Variants in WDR90 observed in about 807,000 individuals in gnomAD.
WDR90 encodes WD repeat-containing protein 90.
Under a neutral mutation model 195.2 loss-of-function variants are expected in WDR90, and 238 were observed. The ratio of observed to expected loss-of-function variants is 1.22; its 90% CI spans 1.10 to 1.36. WDR90 has a LOEUF of 1.36. Ranked by LOEUF, WDR90 falls within the 40% of genes most tolerant of loss-of-function variation. The pLI, the probability that WDR90 is intolerant of heterozygous loss-of-function variation, is 0.00. For synonymous variants in WDR90, 1,265 were observed against 1,052.4 expected (o/e 1.20, Z -3.91); for missense variants, 2,734 against 2,439.5 (o/e 1.12, Z -2.54).
chr16:653,054 C>A (rs1346643236), intron 10 of WDR90, among the ~76,000 whole-genome samples: 1 of 152,210 alleles, frequency 6.6e-6, no homozygotes, highest in Non-Finnish European at 1.5e-5. Flanking sequence ...CCCGGAGTTT[C>A]TTGCACTGGA....
At position 661,008 on chromosome 16, in the gene WDR90, C is replaced by CCCG. The variant is rs2037894379; in HGVS notation, c.3392-41_3392-40insGCC. 2 of 132,342 alleles carry CCCG rather than the reference C, an allele frequency of 1.5e-5. 1 individual carries two copies. Among genetic ancestry groups the CCCG allele is most frequent in the African/African-American group, 2.6e-4 (2 of 7,726 alleles). The allele number at this position is 132,342 out of a possible 1,614,324, so 8.2% of individuals were successfully genotyped here. On this transcript the variant is annotated intron_variant, in intron 28 of 40. Transcript: ENST00000293879. ...TCCCCAGGCCCCTCCCCGCCCCCCCCCCCCCCCGGCCCGGCCTCAGGCCCC... is the reference window on the plus strand; with the variant it reads ...TCCCCAGGCCCCTCCCCGCCCCCCCCCCGCCCCCCCGGCCCGGCCTCAGGCCCC...
chr16:649,280 G>C, upstream of WDR90: 5 of 1,108,962 alleles, frequency 4.5e-6, no homozygotes, highest in Non-Finnish European at 5.9e-6. Flanking sequence ...GGGAGGTCAC[G>C]TGGCCAGGGC....
rs1264578370 is a variant in WDR90, at chr16:666,895, C to T, written c.5005-10C>T. The T allele has an allele frequency of 6.2e-7, 1 of 1,613,164 alleles. No individual in the cohort carries two copies. ...CCACAGGCCTGGAGCCTCACGCTGG[C>T]TGCTCACAGGTGGTGGAGAAGATAC... is the stretch of plus-strand genomic sequence containing the variant. On this transcript the variant is annotated splice_polypyrimidine_tract_variant and intron_variant, in intron 39 of 40. Coordinates refer to ENST00000293879, the MANE Select transcript of WDR90 (RefSeq NM_145294.5).
chr16:667,123 C>G (rs2038102681), intron 40 of WDR90, 134 bp downstream of exon 40: 1 of 986,788 alleles, frequency 1.0e-6, no homozygotes, highest in Admixed American at 2.1e-5. Context: ...GGACATCTGC[C>G]CTAGAGAGGG....
In WDR90 at chr16:653,612, C is replaced by T. The variant is rs544196612; in HGVS notation, c.1321C>T (p.Gln441Ter). The T allele has an allele frequency of 4.3e-6, 7 of 1,613,538 alleles. No homozygotes were observed. The Admixed American group carries it at 1.2e-4, about 27-fold the overall frequency. The change falls in exon 12 of 41, where the codon CAG (glutamine) becomes TAG (stop). Residue 441 changes from glutamine to a stop codon, truncating the protein, a stop_gained. Transcript: ENST00000293879. LOFTEE classifies it high-confidence loss of function. ...APSVMRLWDF[Q>*]TGRCLCLFRS... ...TAGTGTGATGCGGCTCTGGGACTTC[C>T]AGACCGGGCGGTGCTTGTGCCTGTT... is the stretch of plus-strand genomic sequence containing the variant.
rs1288043070 is a variant in WDR90, at chr16:659,455, C to T, written c.3184+79C>T. The T allele has an allele frequency of 4.8e-5, 73 of 1,530,880 alleles. No homozygotes were observed. The South Asian group carries it at 4.9e-4, about 10-fold the overall frequency. The allele number at this position is 1,530,880 out of a possible 1,614,324, so 94.8% of individuals were successfully genotyped here. On this transcript the variant is annotated intron_variant, in intron 26 of 40. Transcript: ENST00000293879. ...CAGGCCCAGTGGCAGCAGGTACTCA[C>T]GCACGTCCAGCTCTGGGGTGCAGGT...
intron 1 of WDR90, 41 bp downstream of exon 1, chr16:649,467 C>G: frequency 7.8e-7 from 1 of 1,286,436 alleles, no homozygotes; most frequent in Non-Finnish European, 9.8e-7. Flanking sequence ...TCCCGGGTTC[C>G]GGGGTTCCGG....
intron 35 of WDR90, 22 bp from the exon 36 acceptor site, chr16:665,928 T>G (rs1341026763): frequency 6.4e-7 from 1 of 1,571,508 alleles, no homozygotes; most frequent in Admixed American, 1.7e-5. Flanking sequence ...AGTGCTGAAG[T>G]TTCCCCACTG....
chr16:665,602 G>A, intron 34 of WDR90, 77 bp from the exon 35 acceptor site: 6 of 1,606,840 alleles, frequency 3.7e-6, no homozygotes, highest in Middle Eastern at 1.7e-4. Flanking sequence ...GGCCCTGGGG[G>A]CTGGAATAGG....
rs369533979 is a variant in WDR90 at position 661,359 on chromosome 16, G to C, written c.3531G>C (p.Ser1177=). 9.3e-6 allele frequency: 15 copies of C among 1,605,728 alleles called. No homozygotes were observed. The South Asian group carries it at 1.2e-4, about 13-fold the overall frequency. Residue 1177 remains serine, a synonymous_variant, in exon 30 of 41, where the codon TCG becomes TCC. Transcript: ENST00000293879. ...CCTGCCAGGTCCTGGCCTCTGCCTC[G>C]GGCCGAAGCAGCACGACCGCCCATT... is the stretch of plus-strand genomic sequence containing the variant. The part of the protein sequence containing the change: ...SHSAQVLASA[S]GRSSTTAHCQ...
chr16:665,981 GC>G lies in WDR90; in HGVS notation c.4467del (p.Cys1490ValfsTer9). On this transcript the variant is annotated frameshift_variant, in exon 36 of 41. Transcript: ENST00000293879. LOFTEE classifies it high-confidence loss of function. ...CTCTGCCTGGCATGGAGCCCCCCGTGCTGTGGCCGCCCTGAGCAGCAGCGGC... is the reference window on the plus strand; with the variant it reads ...CTCTGCCTGGCATGGAGCCCCCCGTGTGTGGCCGCCCTGAGCAGCAGCGGC... ...SCLCLAWSPP[C>X]CGRPEQQRLA... 2 of 1,601,822 alleles carry G rather than the reference GC, an allele frequency of 1.2e-6. No individual in the cohort carries two copies. The highest frequency in any genetic ancestry group is 1.7e-6 in the Non-Finnish European group (2 of 1,178,412).
rs770923026 is a variant in WDR90, at chr16:653,568, C to T, written c.1277C>T (p.Ser426Leu). 38 of 1,613,396 alleles carry T rather than the reference C, an allele frequency of 2.4e-5. No homozygotes were observed. Among genetic ancestry groups the T allele is most frequent in the Middle Eastern group, 1.6e-4 (1 of 6,084 alleles). ...GATGGCAGCAGCTCACTATTGGCCT[C>T]GGCCCAGGCAAGGGCCCCTAGTGTG... ...ALDGSSSLLA[S>L]AQARAPSVMR... Residue 426 changes from serine (S) to leucine (L), a missense_variant, in exon 12 of 41, where the codon TCG becomes TTG. Ser to Leu is a moderately radical substitution (Grantham distance 145). Transcript: ENST00000293879.
rs2037858469 is a variant in WDR90, at chr16:659,941, C to T, written c.3185-117C>T. The T allele has an allele frequency of 6.4e-5, 50 of 785,746 alleles. No individual in the cohort carries two copies. The South Asian group carries it at 8.1e-4, about 13-fold the overall frequency. The allele number at this position is 785,746 out of a possible 1,614,324, so 48.7% of individuals were successfully genotyped here. The stretch of plus-strand genomic sequence containing the variant: ...GTCTGTGGCTCCGGCCTGTGCCCCG[C>T]CGTGCAGTTCTCACTGTGTGGTAGA... On this transcript the variant is annotated intron_variant, in intron 26 of 40. Coordinates refer to ENST00000293879, the MANE Select transcript of WDR90 (RefSeq NM_145294.5).
Position 667,412 on chromosome 16 carries a change from C to T in WDR90, c.5090-20C>T. The T allele has an allele frequency of 6.3e-7, 1 of 1,581,596 alleles. No homozygotes were observed. Among genetic ancestry groups the T allele is most frequent in the African/African-American group, 1.3e-5 (1 of 74,690 alleles). ...GCTGCCTGGTCCTGGCCCTGGCCCA[C>T]CTGCACCGTCTACCCACAGAGTGCA... is the stretch of plus-strand genomic sequence containing the variant. On this transcript the variant is annotated intron_variant, in intron 40 of 40. Transcript: ENST00000293879.
At chr16:654,977 G>C (rs992654896) in intron 13 of WDR90, 52 bp from the exon 14 acceptor site, 8 of 1,570,432 alleles carry the variant, frequency 5.1e-6, no homozygotes, top group Non-Finnish European at 5.2e-6. Context: ...TTGCAGAATC[G>C]AGGTGGCCCC....
Position 649,404 on chromosome 16 carries a change from G to C in WDR90, c.-13G>C, listed in dbSNP as rs1291579941. 22 of 1,316,548 alleles carry C rather than the reference G, an allele frequency of 1.7e-5. No individual in the cohort carries two copies. The highest frequency in any genetic ancestry group is 2.0e-5 in the Non-Finnish European group (21 of 1,035,796). 81.6% of individuals were successfully genotyped at this position (1,316,548 alleles called of 1,614,324 possible). A position where few individuals can be genotyped will look rare whatever the true frequency, so the allele number is the denominator to read the frequency against. On this transcript the variant is annotated 5_prime_UTR_variant, in exon 1 of 41. Coordinates refer to ENST00000293879, the MANE Select transcript of WDR90 (RefSeq NM_145294.5). ...GCGCGGAGGCCTAGGCGGGAAGCTC[G>C]AGCGGCGGCGCCATGGCCCGAGGTA...
intron 4 of WDR90, 64 bp downstream of exon 4, chr16:650,426 A>G: frequency 1.9e-6 from 3 of 1,592,674 alleles, no homozygotes; most frequent in Non-Finnish European, 2.6e-6. Context: ...GTGCAGGCCC[A>G]GTGAGGCTCC....
chr16:665,875 C>T, intron 35 of WDR90, 74 bp downstream of exon 35: 1 of 1,552,548 alleles, frequency 6.4e-7, no homozygotes, highest in South Asian at 1.2e-5. Context: ...GGCGGGGCCG[C>T]CTCCTCCCTC....
chr16:649,278 A>T, upstream of WDR90: 1 of 1,072,404 alleles, frequency 9.3e-7, no homozygotes. Flanking sequence ...CGGGGAGGTC[A>T]CGTGGCCAGG....
Sources: allele counts gnomAD v4.1 joint callset (sites outside exome capture counted in the v4.1 genomes callset), GRCh38; gene constraint gnomAD v4.1.1; transcripts MANE v1.5; gene names NCBI Gene and HGNC (gene_info 2026-07-23, HGNC 2026-07-21).